Variants in NEK5 observed in about 807,000 individuals in gnomAD.
NEK5 encodes NIMA related kinase 5.
Under a neutral mutation model 109.2 loss-of-function variants are expected in NEK5, and 88 were observed. That is an observed-to-expected ratio of 0.81 (90% CI 0.68 to 0.96). The LOEUF (loss-of-function observed/expected upper bound fraction) is 0.96. NEK5 is among the 40% of genes least tolerant of loss of function. NEK5 has a pLI of 0.00. For synonymous variants in NEK5, 283 were observed against 299.9 expected, an observed-to-expected ratio of 0.94 and a Z score of 0.58; for missense variants, 834 against 920.7, an observed-to-expected ratio of 0.91 and a Z score of 1.22.
At chr13:52,097,858 G>C (rs1289035579) in intron 12 of NEK5, among the ~76,000 whole-genome samples, 2 of 152,142 alleles carry the variant, frequency 1.3e-5, no homozygotes, top group Non-Finnish European at 2.9e-5. Context: ...CAAATTTCAT[G>C]TTGAATTGTA....
intron 19 of NEK5, among the ~76,000 whole-genome samples, chr13:52,073,938 C>G (rs1954822362): frequency 6.6e-6 from 1 of 152,082 alleles, no homozygotes; most frequent in African/African-American, 2.4e-5. Flanking sequence ...TGAAAGATCT[C>G]TACAAGAAGA....
At chr13:52,097,472 G>A (rs966375902) in intron 12 of NEK5, among the ~76,000 whole-genome samples, 1 of 152,208 alleles carries the variant, frequency 6.6e-6, no homozygotes, top group Non-Finnish European at 1.5e-5. Flanking sequence ...CCCTGGATGT[G>A]AGACATGGGG....
chr13:52,102,030 C>T lies in NEK5; in HGVS notation c.811-16G>A, dbSNP rs1424558808. 1.9e-6 allele frequency: 3 copies of T among 1,612,950 alleles called. No individual in the cohort carries two copies. The highest frequency in any genetic ancestry group is 2.2e-5 in the East Asian group (1 of 44,880). On this transcript the variant is annotated splice_polypyrimidine_tract_variant and intron_variant, in intron 10 of 23. Coordinates refer to ENST00000684899, the MANE Select transcript of NEK5 (RefSeq NM_001365552.1). The stretch of plus-strand genomic sequence containing the variant: ...CCTGAATGACCTAAAACCGAACACA[C>T]GTGTCAAGGACCTGCAACCCAAAAT...
intron 5 of NEK5, among the ~76,000 whole-genome samples, chr13:52,111,585 G>T (rs529415708): frequency 6.6e-6 from 1 of 152,226 alleles, no homozygotes. Flanking sequence ...AGAAACAATG[G>T]CCAAAGGAAA....
At chr13:52,126,853 T>A (rs1459544376) in intron 3 of NEK5, among the ~76,000 whole-genome samples, 2 of 151,948 alleles carry the variant, frequency 1.3e-5, no homozygotes, top group Non-Finnish European at 1.5e-5. Flanking sequence ...GGTGTGATTG[T>A]GGCTGGGGGT....
At chr13:52,084,020 G>A (rs948178089) in intron 16 of NEK5, among the ~76,000 whole-genome samples, 1 of 152,016 alleles carries the variant, frequency 6.6e-6, no homozygotes, top group Non-Finnish European at 1.5e-5. Context: ...CTTTCAGAAT[G>A]CCCACTCTCC....
chr13:52,052,552 TG>T (rs1303261761), intron 22 of NEK5, among the ~76,000 whole-genome samples: 2 of 152,212 alleles, frequency 1.3e-5, no homozygotes, highest in African/African-American at 4.8e-5. Context: ...TCCCTCTTTG[TG>T]GGGGACCCAG....
chr13:52,088,286 G>A (rs962776312), intron 14 of NEK5, among the ~76,000 whole-genome samples: 15 of 149,982 alleles, frequency 1.0e-4, no homozygotes, highest in East Asian at 5.9e-4. Context: ...ACAGAGTCTC[G>A]TTCTGTCGCC....
intron 11 of NEK5, 120 bp from the exon 12 acceptor site, chr13:52,099,996 CAG>C (rs1955498052): frequency 1.4e-6 from 1 of 739,662 alleles, no homozygotes; most frequent in African/African-American, 1.8e-5. Context: ...ACTTTTTAGC[CAG>C]AGATATTTTA....
At chr13:52,122,607 A>C (rs2138133376) in intron 3 of NEK5, among the ~76,000 whole-genome samples, 2 of 152,314 alleles carry the variant, frequency 1.3e-5, no homozygotes, top group Non-Finnish European at 2.9e-5. Context: ...TTTCTACTAA[A>C]AATACAAAAA....
rs555486413 is a variant in NEK5, at chr13:52,041,200, T to C, written c.2229-3982A>G. Among the ~76,000 whole-genome samples the C allele has an allele frequency of 2.4e-4, 37 of 152,226 alleles. No homozygotes were observed. The South Asian group carries it at 7.5e-3, about 31-fold the overall frequency. On this transcript the variant is annotated intron_variant, in intron 23 of 23. Coordinates refer to ENST00000684899, the MANE Select transcript of NEK5 (RefSeq NM_001365552.1). ...CATAAAATTAATAAAAGAAAAAAAT[T>C]GGACCATGAACTAACTCCAGATGAA...
intron 4 of NEK5, among the ~76,000 whole-genome samples, chr13:52,119,018 T>C (rs1955918006): frequency 6.6e-6 from 1 of 152,188 alleles, no homozygotes; most frequent in Non-Finnish European, 1.5e-5. Context: ...TGTGTCTTAT[T>C]GTAAGTCACT....
intron 4 of NEK5, among the ~76,000 whole-genome samples, chr13:52,112,724 C>T (rs1057491068): frequency 2.0e-5 from 3 of 152,200 alleles, no homozygotes; most frequent in Non-Finnish European, 2.9e-5. Context: ...GTGACTCTTT[C>T]ATAACACCCC....
chr13:52,065,735 C>G (rs912499611), intron 20 of NEK5, 126 bp from the exon 21 acceptor site: 1 of 645,692 alleles, frequency 1.5e-6, no homozygotes, highest in Non-Finnish European at 2.7e-6. Flanking sequence ...AAATGACCAC[C>G]CTTGTTCTAA....
Position 52,035,028 on chromosome 13 carries a change from G to A in NEK5, c.*1920C>T, listed in dbSNP as rs1378467087. 1.3e-5 allele frequency: 2 copies of A among 151,932 alleles called. No individual in the cohort carries two copies. Among genetic ancestry groups the A allele is most frequent in the African/African-American group, 4.8e-5 (2 of 41,306 alleles). The allele number at this position is 151,932 out of a possible 1,614,324, so 9.4% of individuals were successfully genotyped here. A position where few individuals can be genotyped will look rare whatever the true frequency, so the allele number is the denominator to read the frequency against. Reference sequence around the variant, plus strand: ...TAGCAGTTTTACTATGTCTGAACTAGTCCTGAAAGTAAATAAACATGCACA... The same window carrying A: ...TAGCAGTTTTACTATGTCTGAACTAATCCTGAAAGTAAATAAACATGCACA... On this transcript the variant is annotated 3_prime_UTR_variant, in exon 24 of 24. Coordinates refer to ENST00000684899, the MANE Select transcript of NEK5 (RefSeq NM_001365552.1).
intron 3 of NEK5, among the ~76,000 whole-genome samples, chr13:52,123,936 T>A (rs900399631): frequency 2.6e-5 from 4 of 151,698 alleles, no homozygotes; most frequent in Non-Finnish European, 5.9e-5. Flanking sequence ...GGAAAAAAAG[T>A]AGGGTATGTG....
At chr13:52,121,935 CTTT>C (rs781057134) in intron 3 of NEK5, among the ~76,000 whole-genome samples, 3 of 138,500 alleles carry the variant, frequency 2.2e-5, no homozygotes, top group Non-Finnish European at 4.8e-5. Flanking sequence ...GTTTTGCTAG[CTTT>C]TTTTTTTTTT....
At chr13:52,093,687 A>G (rs1955346154) in intron 12 of NEK5, among the ~76,000 whole-genome samples, 1 of 152,148 alleles carries the variant, frequency 6.6e-6, no homozygotes. Flanking sequence ...AATAATCTTA[A>G]GAGTCCCCAA....
chr13:52,056,205 AT>A (rs1484980958), intron 22 of NEK5, among the ~76,000 whole-genome samples: 1 of 151,774 alleles, frequency 6.6e-6, no homozygotes, highest in East Asian at 1.9e-4. Flanking sequence ...AAAGAAGGCC[AT>A]TACATAATGG....
Sources: allele counts gnomAD v4.1 joint callset (sites outside exome capture counted in the v4.1 genomes callset), GRCh38; gene constraint gnomAD v4.1.1; transcripts MANE v1.5; gene names NCBI Gene and HGNC (gene_info 2026-07-23, HGNC 2026-07-21).